GNB1: variants seen among roughly 807,000 people sequenced by gnomAD.
GNB1 encodes G protein subunit beta 1.
In GNB1, 2 loss-of-function variants were observed where a neutral mutation model predicts 42.9. The ratio of observed to expected loss-of-function variants is 0.05; its 90% CI spans 0.02 to 0.15. The LOEUF is 0.15. GNB1 is among the 10% of genes least tolerant of loss of function. GNB1 has a pLI of 1.00. For synonymous variants in GNB1, 183 were observed against 174.7 expected, an observed-to-expected ratio of 1.05 and a Z score of -0.38; for missense variants, 193 against 462.2, an observed-to-expected ratio of 0.42 and a Z score of 5.34.
At chr1:1,814,873 G>A (rs905014066) in intron 5 of GNB1, among the ~76,000 whole-genome samples, 1 of 151,382 alleles carries the variant, frequency 6.6e-6, no homozygotes, top group East Asian at 1.9e-4. Context: ...ATCACTTTGG[G>A]AGGCCGAGGC....
intron 5 of GNB1, among the ~76,000 whole-genome samples, chr1:1,806,849 C>T (rs1646702015): frequency 6.6e-6 from 1 of 152,222 alleles, no homozygotes; most frequent in Middle Eastern, 3.4e-3. Flanking sequence ...TAGTGCGTCT[C>T]TGTAATCCCA....
intron 2 of GNB1, among the ~76,000 whole-genome samples, chr1:1,835,922 G>GAAAAAAAAAAAAAAAAA: frequency 1.1e-5 from 1 of 88,676 alleles, no homozygotes; most frequent in Non-Finnish European, 2.0e-5. Flanking sequence ...ATTAAAAAAA[G>GAAAAAAAAAAAAAAAAA]AAAAAAAAAA....
At chr1:1,842,833 A>C (rs1647369761) in intron 1 of GNB1, among the ~76,000 whole-genome samples, 1 of 152,382 alleles carries the variant, frequency 6.6e-6, no homozygotes, top group African/African-American at 2.4e-5. Context: ...GGCACACAGG[A>C]GTAAACAGTG....
chr1:1,790,662 G>C lies in GNB1; in HGVS notation c.498-66C>G. ...TTCTTGGGTGGCTAGTCATGTGACA[G>C]ACAATCTGTCCTTCAAACCACCCAG... On this transcript the variant is annotated intron_variant, in intron 8 of 11. Transcript: ENST00000378609. The surrounding 1 kb of genome is among the most constrained non-coding windows in gnomAD (Gnocchi z 5.4). The C allele has an allele frequency of 1.8e-6, 2 of 1,123,186 alleles. No individual in the cohort carries two copies. Among genetic ancestry groups the C allele is most frequent in the Admixed American group, 1.8e-5 (1 of 54,154 alleles). The allele number at this position is 1,123,186 out of a possible 1,614,324, so 69.6% of individuals were successfully genotyped here. A position where few individuals can be genotyped will look rare whatever the true frequency, so the allele number is the denominator to read the frequency against.
At chr1:1,881,112 TCA>T (rs1195396137) in intron 1 of GNB1, among the ~76,000 whole-genome samples, 1 of 152,062 alleles carries the variant, frequency 6.6e-6, no homozygotes. Context: ...TGAGAAAGCC[TCA>T]GAGACTCCTC....
Position 1,839,327 on chromosome 1 carries a change from G to A in GNB1, c.-95-89C>T, listed in dbSNP as rs376466240. On this transcript the variant is annotated intron_variant, in intron 1 of 11. Transcript: ENST00000378609. Reference sequence around the variant, plus strand: ...TGCTAGTAGCTATATTTTATGCAACGACACATAAATTTGACCCTTCCCTAT... The same window carrying A: ...TGCTAGTAGCTATATTTTATGCAACAACACATAAATTTGACCCTTCCCTAT... 6 of 152,174 alleles carry A rather than the reference G, an allele frequency of 3.9e-5. No homozygotes were observed. The East Asian group carries it at 5.8e-4, about 15-fold the overall frequency. 9.4% of individuals were successfully genotyped at this position (152,174 alleles called of 1,614,324 possible).
rs1646668955 is a variant in GNB1 at position 1,804,413 on chromosome 1, AG to A, written c.430+5del. 6 of 1,609,024 alleles carry A rather than the reference AG, an allele frequency of 3.7e-6. No individual in the cohort carries two copies. The highest frequency in any genetic ancestry group is 4.3e-6 in the Non-Finnish European group (5 of 1,175,364). On this transcript the variant is annotated splice_donor_5th_base_variant and intron_variant, in intron 7 of 11. Transcript: ENST00000378609. ...TCACTTGAAGCTTATGAACAAGGAC[AG>A]GTACCTGTGTGTCCTGCCAGCTCAC...
intron 5 of GNB1, among the ~76,000 whole-genome samples, chr1:1,812,339 A>C (rs1461060620): frequency 1.3e-5 from 2 of 151,612 alleles, no homozygotes; most frequent in Non-Finnish European, 2.9e-5. Context: ...TAGAACTTAA[A>C]GAAAAAAAAA....
At chr1:1,791,426 C>T (rs886209499) in intron 8 of GNB1, among the ~76,000 whole-genome samples, 1 of 152,130 alleles carries the variant, frequency 6.6e-6, no homozygotes, top group African/African-American at 2.4e-5. Context: ...CCGCCCGCCT[C>T]GGCCTCCCAA....
chr1:1,800,753 TA>T (rs943269814), intron 7 of GNB1, among the ~76,000 whole-genome samples: 3,246 of 115,276 alleles, frequency 0.028, 52 homozygotes, highest in African/African-American at 0.064. Flanking sequence ...TTTAGATTGT[TA>T]AAAAAAAAAA....
intron 1 of GNB1, among the ~76,000 whole-genome samples, chr1:1,882,593 C>A (rs1055543665): frequency 6.6e-6 from 1 of 151,858 alleles, no homozygotes; most frequent in African/African-American, 2.4e-5. Flanking sequence ...AAAAATCTAG[C>A]TTCATAAATG....
chr1:1,852,898 C>T (rs1466861077), intron 1 of GNB1, among the ~76,000 whole-genome samples: 2 of 152,096 alleles, frequency 1.3e-5, no homozygotes, highest in African/African-American at 2.4e-5. Context: ...TCTCTCAAGT[C>T]GAGGATCCAC....
Position 1,886,971 on chromosome 1 carries a change from C to T in GNB1, c.-96+3849G>A, listed in dbSNP as rs184228023. Among the ~76,000 whole-genome samples the T allele has an allele frequency of 4.5e-4, 69 of 152,270 alleles. No individual in the cohort carries two copies. The South Asian group carries it at 0.011, about 24-fold the overall frequency. On this transcript the variant is annotated intron_variant, in intron 1 of 11. Coordinates refer to ENST00000378609, the MANE Select transcript of GNB1 (RefSeq NM_002074.5). ...CTCATGATCCGCCTGACTCGGCCTC[C>T]CAAAGTGCTGGGATTACAGGTGTGA...
chr1:1,847,348 G>T lies in GNB1; in HGVS notation c.-95-8110C>A, dbSNP rs951726441. Among the ~76,000 whole-genome samples the T allele has an allele frequency of 2.0e-5, 3 of 152,264 alleles. No homozygotes were observed. The East Asian group carries it at 5.8e-4, about 29-fold the overall frequency. ...CATCGATGTTCTTTGTCTGCAGTCA[G>T]GAAGTACACTTTGCCAGTAAGGGAT... On this transcript the variant is annotated intron_variant, in intron 1 of 11. Transcript: ENST00000378609.
chr1:1,806,654 T>C (rs1646699017), intron 5 of GNB1, 116 bp from the exon 6 acceptor site: 1 of 614,444 alleles, frequency 1.6e-6, no homozygotes, highest in African/African-American at 1.8e-5. Flanking sequence ...TACATGTGCT[T>C]CAGACAAAGC....
intron 6 of GNB1, among the ~76,000 whole-genome samples, chr1:1,806,046 G>A (rs1345692462): frequency 6.6e-6 from 1 of 152,102 alleles, no homozygotes; most frequent in Non-Finnish European, 1.5e-5. Flanking sequence ...AATACACTTT[G>A]GATTAAGTCT....
Position 1,786,351 on chromosome 1 carries a change from G to T in GNB1, c.*712C>A. 3.1e-6 allele frequency: 1 copy of T among 327,160 alleles called. No homozygotes were observed. Among genetic ancestry groups the T allele is most frequent in the Non-Finnish European group, 5.5e-6 (1 of 181,236 alleles). The allele number at this position is 327,160 out of a possible 1,614,324, so 20.3% of individuals were successfully genotyped here. On this transcript the variant is annotated 3_prime_UTR_variant, in exon 12 of 12. Transcript: ENST00000378609. ...GAGCTCACTTTTCAGCAAAGGTGAA[G>T]GATTCTCTGATCACGCATTTGAGAC...
At chr1:1,810,373 A>G (rs192612943) in intron 5 of GNB1, among the ~76,000 whole-genome samples, 11 of 151,786 alleles carry the variant, frequency 7.2e-5, no homozygotes, top group African/African-American at 2.2e-4. Flanking sequence ...CCCACAAAAA[A>G]TATTTTTTAA....
intron 1 of GNB1, among the ~76,000 whole-genome samples, chr1:1,851,763 G>T (rs1371086683): frequency 2.0e-5 from 3 of 152,108 alleles, no homozygotes; most frequent in Non-Finnish European, 4.4e-5. Flanking sequence ...CAGGCATTCG[G>T]CCGGGCACAG....
Sources: gnomAD v4.1 joint callset for allele counts (sites outside exome capture counted in the v4.1 genomes callset) on GRCh38, gnomAD v4.1.1 for gene constraint, Gnocchi (gnomAD v3.1) non-coding constraint, MANE v1.5 for transcripts, NCBI Gene and HGNC (gene_info 2026-07-23, HGNC 2026-07-21) for gene names.